The following SLC30A2 variants were observed in gnomAD, a reference collection of about 807,000 sequenced individuals.
SLC30A2 encodes solute carrier family 30 member 2.
Under a neutral mutation model 39.6 loss-of-function variants are expected in SLC30A2, and 19 were observed. The observed-to-expected ratio is 0.48, with a 90% CI of 0.34 to 0.70. The LOEUF (loss-of-function observed/expected upper bound fraction) is 0.70. Among genes scored for constraint, SLC30A2 ranks in the 30% least tolerant of loss-of-function variants. SLC30A2 has a pLI of 0.01. For synonymous variants in SLC30A2, 195 were observed against 194.8 expected (o/e 1.00, Z -0.01); for missense variants, 387 against 479.4 (o/e 0.81, Z 1.80).
intron 6 of SLC30A2, 95 bp downstream of exon 6, chr1:26,041,605 A>G: frequency 1.3e-6 from 1 of 759,656 alleles, no homozygotes. Context: ...CTCCCCGCCC[A>G]TGTGCTAGGA....
In SLC30A2 at chr1:26,045,855, C is replaced by G; in HGVS notation, c.42G>C (p.Pro14=). 1.2e-6 allele frequency: 2 copies of G among 1,613,446 alleles called. No homozygotes were observed. The highest frequency in any genetic ancestry group is 1.7e-6 in the Non-Finnish European group (2 of 1,179,892). ...KEKQHLLDAR[P]AIRSYTGSLW... ...CCAGGCTCTCGCCTTACCGGATTGC[C>G]GGCCTGGCGTCCAACAGATGCTGCT... is the stretch of plus-strand genomic sequence containing the variant. Residue 14 remains proline (P), a synonymous_variant, in exon 1 of 8, where the codon CCG becomes CCC. Coordinates refer to ENST00000374276, the MANE Select transcript of SLC30A2 (RefSeq NM_001004434.3).
At chr1:26,043,325 C>T in intron 4 of SLC30A2, 73 bp downstream of exon 4, 1 of 1,489,810 alleles carries the variant, frequency 6.7e-7, no homozygotes, top group Non-Finnish European at 9.3e-7. Flanking sequence ...TCTCTTTCCG[C>T]AAAGCAGACA....
chr1:26,045,880 T>C lies in SLC30A2; in HGVS notation c.17A>G (p.Lys6Arg), dbSNP rs142587047. Residue 6 changes from lysine (K) to arginine (R), a missense_variant, in exon 1 of 8, where the codon AAG becomes AGG. Physicochemically the swap from Lys to Arg is conservative, Grantham distance 26. Coordinates refer to ENST00000374276, the MANE Select transcript of SLC30A2 (RefSeq NM_001004434.3). ...CGGCCTGGCGTCCAACAGATGCTGC[T>C]TCTCCTTGGCCTCCATGCAGTCCCG... MEAKEKQHLLDARPAI... is the reference protein window; with the variant it reads MEAKERQHLLDARPAI... 260 of 1,612,942 alleles carry C rather than the reference T, an allele frequency of 1.6e-4. No individual in the cohort carries two copies. The African/African-American group carries it at 2.7e-3, about 17-fold the overall frequency.
intron 6 of SLC30A2, among the ~76,000 whole-genome samples, chr1:26,041,337 C>A (rs1203466342): frequency 2.0e-5 from 3 of 152,144 alleles, no homozygotes; most frequent in African/African-American, 7.2e-5. Flanking sequence ...ATCCTCACCC[C>A]CTCTCTCTTC....
chr1:26,045,739 T>C, intron 1 of SLC30A2, 108 bp downstream of exon 1: 2 of 1,561,670 alleles, frequency 1.3e-6, no homozygotes, highest in African/African-American at 1.4e-5. Context: ...CCCTCCTGCA[T>C]GGTCCCAGCT....
Position 26,039,712 on chromosome 1 carries a change from TG to T in SLC30A2, c.973+64del. On this transcript the variant is annotated intron_variant, in intron 7 of 7. Transcript: ENST00000374276. The surrounding 1 kb of genome is among the most constrained non-coding windows in gnomAD (Gnocchi z 4.3). ...AGCATCTGGGGTCACCTGGACCCGTTGGGGATGGCACTAGGCCTTTGGCTGC... is the reference window on the plus strand; with the variant it reads ...AGCATCTGGGGTCACCTGGACCCGTTGGGATGGCACTAGGCCTTTGGCTGC... The T allele has an allele frequency of 6.4e-7, 1 of 1,557,096 alleles. No homozygotes were observed. The highest frequency in any genetic ancestry group is 8.7e-7 in the Non-Finnish European group (1 of 1,143,280).
chr1:26,040,035 G>A lies in SLC30A2; in HGVS notation c.839-124C>T, dbSNP rs144689212. 1,894 of 1,009,490 alleles carry A rather than the reference G, an allele frequency of 1.9e-3. 7 individuals are homozygous for A. Among genetic ancestry groups the A allele is most frequent in the Middle Eastern group, 5.1e-3 (20 of 3,942 alleles). 62.5% of individuals were successfully genotyped at this position (1,009,490 alleles called of 1,614,324 possible). A position where few individuals can be genotyped will look rare whatever the true frequency, so the allele number is the denominator to read the frequency against. On this transcript the variant is annotated intron_variant, in intron 6 of 7. Transcript: ENST00000374276. ...CAAAGAAGACCTCTTTGGCCTGCAG[G>A]TCTGAGGCTGCCTTCACCTCCCAAG...
In SLC30A2 at chr1:26,039,123, G is replaced by A. The variant is rs76835970; in HGVS notation, c.*37C>T. 6.2e-7 allele frequency: 1 copy of A among 1,604,128 alleles called. No homozygotes were observed. On this transcript the variant is annotated 3_prime_UTR_variant, in exon 8 of 8. Coordinates refer to ENST00000374276, the MANE Select transcript of SLC30A2 (RefSeq NM_001004434.3). This position sits in a 1 kb window ranked among gnomAD's most constrained non-coding sequence, Gnocchi z 4.3. Reference sequence around the variant, plus strand: ...GGACACTCAGTCCAGCCACCTGCAGGTCCTGTTCATGCCCCAGTTGGTGCC... The same window carrying A: ...GGACACTCAGTCCAGCCACCTGCAGATCCTGTTCATGCCCCAGTTGGTGCC...
rs772721397 is a variant in SLC30A2 at position 26,039,315 on chromosome 1, G to A, written c.974-10C>T. 13 of 1,608,164 alleles carry A rather than the reference G, an allele frequency of 8.1e-6. No individual in the cohort carries two copies. Among genetic ancestry groups the A allele is most frequent in the South Asian group, 4.4e-5 (4 of 90,866 alleles). On this transcript the variant is annotated splice_polypyrimidine_tract_variant and intron_variant, in intron 7 of 7. Transcript: ENST00000374276. The surrounding 1 kb of genome is among the most constrained non-coding windows in gnomAD (Gnocchi z 4.3). Reference sequence around the variant, plus strand: ...GCGTCTGTATTCTGAGCTGGGGGCCGAGAGGACACAGCGGGGGAAGCCATT... The same window carrying A: ...GCGTCTGTATTCTGAGCTGGGGGCCAAGAGGACACAGCGGGGGAAGCCATT...
chr1:26,042,479 C>G, intron 5 of SLC30A2, 70 bp downstream of exon 5: 4 of 1,409,910 alleles, frequency 2.8e-6, no homozygotes, highest in Non-Finnish European at 3.9e-6. Flanking sequence ...AAAAGAAACC[C>G]CGGTAGAGAG....
At chr1:26,042,074 A>G (rs2050404143) in intron 5 of SLC30A2, among the ~76,000 whole-genome samples, 1 of 152,236 alleles carries the variant, frequency 6.6e-6, no homozygotes, top group South Asian at 2.1e-4. Context: ...CATCTTAGAT[A>G]CCATCTGATC....
rs1569692863 is a variant in SLC30A2 at position 26,039,404 on chromosome 1, T to C, written c.974-99A>G. On this transcript the variant is annotated intron_variant, in intron 7 of 7. Coordinates refer to ENST00000374276, the MANE Select transcript of SLC30A2 (RefSeq NM_001004434.3). This position sits in a 1 kb window ranked among gnomAD's most constrained non-coding sequence, Gnocchi z 4.3. ...ATACCCCATCCCCAGCAGAACAGGA[T>C]GGGGGACCATGAACATGGAGAAGCC... is the stretch of plus-strand genomic sequence containing the variant. The C allele has an allele frequency of 9.0e-6, 8 of 893,558 alleles. No homozygotes were observed. In the East Asian group the frequency reaches 1.5e-4, roughly 17 times the overall value. The allele number at this position is 893,558 out of a possible 1,614,324, so 55.4% of individuals were successfully genotyped here.
intron 4 of SLC30A2, 48 bp downstream of exon 4, chr1:26,043,350 A>G (rs1392575212): frequency 6.3e-7 from 1 of 1,580,714 alleles, no homozygotes; most frequent in Admixed American, 1.7e-5. Context: ...TGTGGGTGTG[A>G]GAGGCGGGAG....
chr1:26,044,942 G>T, intron 2 of SLC30A2, 55 bp downstream of exon 2: 1 of 1,432,716 alleles, frequency 7.0e-7, no homozygotes, highest in Non-Finnish European at 9.8e-7. Context: ...GTATTGCTGG[G>T]AACATCCAGT....
chr1:26,044,252 C>T, intron 3 of SLC30A2, 46 bp downstream of exon 3: 2 of 1,605,626 alleles, frequency 1.2e-6, no homozygotes, highest in South Asian at 1.1e-5. Context: ...CTGTTCTAAC[C>T]CACCCTCTCT....
intron 1 of SLC30A2, chr1:26,045,595 C>T (rs2050453458): frequency 1.5e-6 from 1 of 673,730 alleles, no homozygotes; most frequent in East Asian, 2.7e-5. Flanking sequence ...CGGGGCGGGA[C>T]TCCAGGCATG....
Position 26,039,192 on chromosome 1 carries a change from C to T in SLC30A2, c.1087G>A (p.Asp363Asn). 1 of 1,614,146 alleles carries T rather than the reference C, an allele frequency of 6.2e-7. No individual in the cohort carries two copies. Among genetic ancestry groups the T allele is most frequent in the Non-Finnish European group, 8.5e-7 (1 of 1,179,988 alleles). Residue 363 changes from aspartate (D) to asparagine (N), a missense_variant, in exon 8 of 8, where the codon GAC (aspartate) becomes AAC (asparagine). Coordinates refer to ENST00000374276, the MANE Select transcript of SLC30A2 (RefSeq NM_001004434.3). The surrounding 1 kb of genome is among the most constrained non-coding windows in gnomAD (Gnocchi z 4.3). ...GAGGGGCCCTGGCATGCCTGACAGT[C>T]CTTCATGTCCTCCGAGTAGTCCTCG... ...QIEDYSEDMK[D>N]CQACQGPSD
chr1:26,044,465 A>C, intron 2 of SLC30A2, 21 bp from the exon 3 acceptor site: 1 of 1,610,360 alleles, frequency 6.2e-7, no homozygotes. Context: ...GAGGGTCCTT[A>C]TCAGCTCCCC....
chr1:26,044,127 A>G (rs1338434222), intron 3 of SLC30A2, among the ~76,000 whole-genome samples, 171 bp downstream of exon 3: 1 of 152,104 alleles, frequency 6.6e-6, no homozygotes, highest in East Asian at 1.9e-4. Flanking sequence ...TCAGACTAGG[A>G]TTTCCCAGAG....
Sources: gnomAD v4.1 joint callset for allele counts (sites outside exome capture counted in the v4.1 genomes callset) on GRCh38, gnomAD v4.1.1 for gene constraint, Gnocchi (gnomAD v3.1) non-coding constraint, MANE v1.5 for transcripts, NCBI Gene and HGNC (gene_info 2026-07-23, HGNC 2026-07-21) for gene names.